The following C6orf163 variants were observed in gnomAD, a reference collection of about 807,000 sequenced individuals.
The protein encoded by C6orf163 is uncharacterized protein C6orf163.
C6orf163 carries 22 observed loss-of-function variants against 28.4 expected under a neutral mutation model. The observed-to-expected ratio is 0.78, with a 90% confidence interval of 0.55 to 1.11. C6orf163 has a LOEUF of 1.11. Among genes scored for constraint, C6orf163 ranks in the 50% least tolerant of loss-of-function variants. C6orf163 has a pLI of 0.00. For synonymous variants in C6orf163, 110 were observed against 123.6 expected (o/e 0.89, Z 0.73); for missense variants, 342 against 389.1 (o/e 0.88, Z 1.02).
At chr6:87,357,574 T>C (rs1777524184) in intron 4 of C6orf163, 1 of 152,330 alleles carries the variant, frequency 6.6e-6, no homozygotes, top group African/African-American at 2.4e-5. Context: ...GGTACCTCTC[T>C]TCCTGCATAG....
intron 1 of C6orf163, chr6:87,347,406 A>G: frequency 1.0e-6 from 1 of 985,120 alleles, no homozygotes; most frequent in Non-Finnish European, 1.2e-6. Context: ...ATAAAAGAGG[A>G]TAGTGATAGC....
chr6:87,358,778 G>A (rs1777542514), intron 4 of C6orf163, among the ~76,000 whole-genome samples: 1 of 152,008 alleles, frequency 6.6e-6, no homozygotes, highest in Non-Finnish European at 1.5e-5. Context: ...CCTGCATCTG[G>A]GTGTCCCTTC....
intron 4 of C6orf163, among the ~76,000 whole-genome samples, chr6:87,362,130 C>T (rs1240543572): frequency 6.6e-6 from 1 of 152,220 alleles, no homozygotes; most frequent in African/African-American, 2.4e-5. Flanking sequence ...CAACAACTCA[C>T]TCTTCTCTAA....
intron 4 of C6orf163, among the ~76,000 whole-genome samples, 156 bp from the exon 5 acceptor site, chr6:87,364,805 T>G (rs1248960720): frequency 6.6e-6 from 1 of 152,206 alleles, no homozygotes; most frequent in Non-Finnish European, 1.5e-5. Flanking sequence ...TTTTGTTTGA[T>G]AACAGCTAAT....
At position 87,364,944 on chromosome 6, in the gene C6orf163, C is replaced by A; in HGVS notation, c.555-17C>A. On this transcript the variant is annotated splice_polypyrimidine_tract_variant and intron_variant, in intron 4 of 4. Transcript: ENST00000388923. ...GGCCAATCCATCTAAATTATAAATC[C>A]ATATTATCTTTTGTAGCAAAGCCGT... is the stretch of plus-strand genomic sequence containing the variant. 1 of 1,502,964 alleles carries A rather than the reference C, an allele frequency of 6.7e-7. No homozygotes were observed. The highest frequency in any genetic ancestry group is 8.9e-7 in the Non-Finnish European group (1 of 1,119,156). 93.1% of individuals were successfully genotyped at this position (1,502,964 alleles called of 1,614,324 possible).
At chr6:87,349,166 C>T (rs1034257298) in intron 2 of C6orf163, among the ~76,000 whole-genome samples, 5 of 152,056 alleles carry the variant, frequency 3.3e-5, no homozygotes, top group South Asian at 4.2e-4. Flanking sequence ...AGTAAGAAGC[C>T]GGCATCATCA....
At position 87,365,090 on chromosome 6, in the gene C6orf163, G is replaced by T; in HGVS notation, c.684G>T (p.Arg228Ser). The T allele has an allele frequency of 6.4e-7, 1 of 1,552,026 alleles. No homozygotes were observed. The highest frequency in any genetic ancestry group is 8.7e-7 in the Non-Finnish European group (1 of 1,147,070). ...SILYGIAQRQ[R>S]QEEVQEVLQE... ...TCTATGGCATAGCTCAGAGGCAGAG[G>T]CAAGAAGAGGTACAGGAAGTGCTTC... The change falls in exon 5 of 5, where the codon AGG becomes AGT. Residue 228 changes from arginine (R) to serine (S), a missense_variant. By Grantham distance (110) the Arg-to-Ser change is moderately radical. Coordinates refer to ENST00000388923, the MANE Select transcript of C6orf163 (RefSeq NM_001010868.3).
intron 4 of C6orf163, among the ~76,000 whole-genome samples, chr6:87,359,962 C>G (rs1001587763): frequency 1.3e-5 from 2 of 152,162 alleles, no homozygotes; most frequent in African/African-American, 4.8e-5. Flanking sequence ...CTGGACGTGC[C>G]ATTCCTTCTG....
chr6:87,349,044 C>A, intron 2 of C6orf163, 138 bp downstream of exon 2: 2 of 1,090,452 alleles, frequency 1.8e-6, no homozygotes, highest in Non-Finnish European at 2.5e-6. Context: ...GCAAGTTCTA[C>A]AACCTCTGTA....
chr6:87,351,217 T>G (rs1777407877), intron 3 of C6orf163, among the ~76,000 whole-genome samples: 1 of 152,216 alleles, frequency 6.6e-6, no homozygotes, highest in Non-Finnish European at 1.5e-5. Context: ...CAGAACTATT[T>G]TCACATTTTG....
chr6:87,352,737 C>T (rs2127932003), intron 3 of C6orf163, among the ~76,000 whole-genome samples: 1 of 152,196 alleles, frequency 6.6e-6, no homozygotes, highest in South Asian at 2.1e-4. Flanking sequence ...ACTGATTGGG[C>T]CTTGAGCTTT....
intron 1 of C6orf163, chr6:87,347,536 G>A (rs1294896918): frequency 2.0e-6 from 2 of 985,360 alleles, no homozygotes; most frequent in African/African-American, 1.7e-5. Flanking sequence ...TGCAGTATGT[G>A]TCCATCTCCA....
intron 4 of C6orf163, among the ~76,000 whole-genome samples, chr6:87,363,124 T>A (rs1003591026): frequency 6.6e-6 from 1 of 152,192 alleles, no homozygotes; most frequent in Non-Finnish European, 1.5e-5. Flanking sequence ...ATTGAATTAA[T>A]GTATGCATAG....
At chr6:87,363,625 C>G (rs1777609075) in intron 4 of C6orf163, among the ~76,000 whole-genome samples, 1 of 151,782 alleles carries the variant, frequency 6.6e-6, no homozygotes, top group African/African-American at 2.4e-5. Context: ...CAATAGTTTA[C>G]TGAGAATGAT....
chr6:87,360,028 G>T (rs1406028044), intron 4 of C6orf163, among the ~76,000 whole-genome samples: 1 of 152,124 alleles, frequency 6.6e-6, no homozygotes, highest in Non-Finnish European at 1.5e-5. Flanking sequence ...TGAGGTGGTT[G>T]GTCCAAATGC....
chr6:87,348,206 T>TAC lies in C6orf163; in HGVS notation c.149-606_149-605insAC, dbSNP rs1562228621. The stretch of plus-strand genomic sequence containing the variant: ...AAAGACCTGGCTGTCTGATATTGCG[T>TAC]GGTCCTCTAGCCTCTCTAGACTTTT... On this transcript the variant is annotated intron_variant, in intron 1 of 4. Transcript: ENST00000388923. The TAC allele has an allele frequency of 2.1e-4, 211 of 982,542 alleles. No homozygotes were observed. In the Middle Eastern group the frequency reaches 3.1e-3, roughly 15 times the overall value. 60.9% of individuals were successfully genotyped at this position (982,542 alleles called of 1,614,324 possible).
At chr6:87,364,921 C>A in intron 4 of C6orf163, 40 bp from the exon 5 acceptor site, 4 of 1,430,520 alleles carry the variant, frequency 2.8e-6, no homozygotes, top group Non-Finnish European at 1.9e-6. Context: ...TTTTTAGTGG[C>A]CAATCCATCT....
intron 1 of C6orf163, chr6:87,347,789 C>T (rs1243106575): frequency 5.1e-6 from 5 of 985,474 alleles, no homozygotes; most frequent in East Asian, 2.3e-4. Context: ...TGCAGCTAGA[C>T]TTACTCCGGC....
chr6:87,347,984 C>T (rs1205988888), intron 1 of C6orf163: 10 of 621,020 alleles, frequency 1.6e-5, no homozygotes, highest in Non-Finnish European at 2.0e-5. Flanking sequence ...GGTGAAAGCC[C>T]GTTTCTACTA....
Sources: gnomAD v4.1 joint callset for allele counts (sites outside exome capture counted in the v4.1 genomes callset) on GRCh38, gnomAD v4.1.1 for gene constraint, MANE v1.5 for transcripts, NCBI Gene and HGNC (gene_info 2026-07-23, HGNC 2026-07-21) for gene names.